LPP: variants seen among roughly 807,000 people sequenced by gnomAD.
The protein encoded by LPP is lipoma-preferred partner.
In LPP, 38 loss-of-function variants were observed where a neutral mutation model predicts 60.4. That is an observed-to-expected ratio of 0.63 (90% CI 0.49 to 0.83). The LOEUF is 0.83. LPP is among the 40% of genes least tolerant of loss of function. The probability of loss-of-function intolerance (pLI) is 0.00; values close to 1 mark genes in which losing one functional copy is unlikely to be tolerated. For missense variants in LPP, 902 were observed against 783.6 expected (o/e 1.15, Z -1.80); for synonymous variants, 328 against 290.8 (o/e 1.13, Z -1.30).
chr3:188,848,977 A>C (rs1454564912), intron 9 of LPP, among the ~76,000 whole-genome samples: 1 of 152,022 alleles, frequency 6.6e-6, no homozygotes, highest in Non-Finnish European at 1.5e-5. Flanking sequence ...AAAAAAAAAA[A>C]AGAAAATAGG....
At chr3:188,598,751 A>G (rs1347524676) in intron 6 of LPP, among the ~76,000 whole-genome samples, 1 of 152,144 alleles carries the variant, frequency 6.6e-6, no homozygotes, top group Non-Finnish European at 1.5e-5. Flanking sequence ...TTCCTTTAAT[A>G]TAAACAAGTA....
intron 7 of LPP, among the ~76,000 whole-genome samples, chr3:188,700,335 C>T (rs1260252487): frequency 1.3e-5 from 2 of 152,124 alleles, no homozygotes; most frequent in African/African-American, 2.4e-5. Flanking sequence ...AAAATGATCA[C>T]GCCAAGGTCA....
At chr3:188,366,902 T>G (rs1392968721) in intron 3 of LPP, among the ~76,000 whole-genome samples, 1 of 148,628 alleles carries the variant, frequency 6.7e-6, no homozygotes, top group East Asian at 2.0e-4. Flanking sequence ...AAGAATTGAT[T>G]TTTTTTTTTT....
At chr3:188,708,635 T>C (rs996677563) in intron 8 of LPP, 7 of 566,808 alleles carry the variant, frequency 1.2e-5, no homozygotes, top group Non-Finnish European at 1.9e-5. Context: ...TAGATACAAA[T>C]TTTATTGTTG....
intron 2 of LPP, among the ~76,000 whole-genome samples, chr3:188,243,117 C>CA (rs1004772230): frequency 9.2e-5 from 14 of 151,624 alleles, no homozygotes; most frequent in South Asian, 2.1e-4. Context: ...ATTAATATAA[C>CA]AAAAAAAAGA....
In LPP at chr3:188,885,919, T is replaced by C. The variant is rs1484232225; in HGVS notation, c.*11440T>C. On this transcript the variant is annotated 3_prime_UTR_variant, in exon 12 of 12. Coordinates refer to ENST00000617246, the MANE Select transcript of LPP (RefSeq NM_001375462.1). ...GGTGAGCATTTTTTCATGTGTTTCT[T>C]GGCTGCATAAATGTCTTCTTTTGAG... The C allele has an allele frequency of 2.0e-5, 3 of 152,236 alleles. No individual in the cohort carries two copies. Among genetic ancestry groups the C allele is most frequent in the African/African-American group, 7.2e-5 (3 of 41,460 alleles). 9.4% of individuals were successfully genotyped at this position (152,236 alleles called of 1,614,324 possible).
Position 188,760,207 on chromosome 3 carries a change from C to T in LPP, c.1335C>T (p.Ile445=), listed in dbSNP as rs2150478163. 2 of 1,614,106 alleles carry T rather than the reference C, an allele frequency of 1.2e-6. No homozygotes were observed. The change falls in exon 9 of 12, where the codon ATC becomes ATT. Residue 445 remains isoleucine, a synonymous_variant. Transcript: ENST00000617246. ...TCCACGTGGATTGTTTTACCTGCATCATCTGCAACAACAAGCTCCGAGGGC... is the reference window on the plus strand; with the variant it reads ...TCCACGTGGATTGTTTTACCTGCATTATCTGCAACAACAAGCTCCGAGGGC... ...QVFHVDCFTC[I]ICNNKLRGQP...
intron 5 of LPP, among the ~76,000 whole-genome samples, chr3:188,489,081 A>G (rs1403109901): frequency 2.0e-5 from 3 of 152,200 alleles, no homozygotes; most frequent in African/African-American, 7.2e-5. Flanking sequence ...CTTGCAAGAG[A>G]ATTAGAGTTA....
chr3:188,185,883 T>A (rs1726453952), intron 1 of LPP, among the ~76,000 whole-genome samples: 1 of 152,244 alleles, frequency 6.6e-6, no homozygotes, highest in African/African-American at 2.4e-5. Context: ...GCACTCAGCA[T>A]GAAGCCTGGC....
At chr3:188,614,563 C>G (rs1376840431) in intron 7 of LPP, among the ~76,000 whole-genome samples, 2 of 152,126 alleles carry the variant, frequency 1.3e-5, no homozygotes, top group Non-Finnish European at 1.5e-5. Context: ...GATCATTAAG[C>G]CCAAGTAGAG....
At chr3:188,697,470 G>C (rs1008570802) in intron 7 of LPP, among the ~76,000 whole-genome samples, 4 of 152,188 alleles carry the variant, frequency 2.6e-5, no homozygotes, top group African/African-American at 9.7e-5. Context: ...CCACTAGACA[G>C]AAACAGCTTG....
rs539665491 is a variant in LPP, at chr3:188,253,147, A to G, written c.-67+27620A>G. Among the ~76,000 whole-genome samples the G allele has an allele frequency of 7.2e-4, 106 of 147,702 alleles. 1 individual carries two copies. The highest frequency in any genetic ancestry group is 2.6e-3 in the African/African-American group (103 of 39,842). On this transcript the variant is annotated intron_variant, in intron 2 of 11. Transcript: ENST00000617246. ...AGAAAGGTCTTCGGAAATTAGATAT[A>G]TTGGCCTTTCATCTATGAAGTATAT... is the stretch of plus-strand genomic sequence containing the variant.
At chr3:188,487,361 T>C (rs1806856250) in intron 5 of LPP, among the ~76,000 whole-genome samples, 1 of 152,138 alleles carries the variant, frequency 6.6e-6, no homozygotes, top group African/African-American at 2.4e-5. Flanking sequence ...AATTCAACCA[T>C]GGGGCTTTCA....
chr3:188,773,248 C>T (rs1023733782), intron 9 of LPP, among the ~76,000 whole-genome samples: 2 of 151,678 alleles, frequency 1.3e-5, no homozygotes, highest in African/African-American at 2.4e-5. Flanking sequence ...TGCTCTTGTC[C>T]CTGCAGAGTA....
chr3:188,524,420 C>T (rs140427452), intron 5 of LPP, among the ~76,000 whole-genome samples: 2,094 of 152,174 alleles, frequency 0.014, 25 homozygotes, highest in South Asian at 0.047. Context: ...ACAACAACAA[C>T]GACAAAACTG....
rs551119922 is a variant in LPP, at chr3:188,359,304, G to A, written c.-10+17585G>A. Among the ~76,000 whole-genome samples, 5 of 152,302 alleles carry A rather than the reference G, an allele frequency of 3.3e-5. No individual in the cohort carries two copies. The South Asian group carries it at 1.0e-3, about 32-fold the overall frequency. ...TCCGAGGTAACAAACTTGAGGAGCT[G>A]CAGCCCCTCTGACGAAGTAAAAGTG... On this transcript the variant is annotated intron_variant, in intron 3 of 11. Transcript: ENST00000617246.
At chr3:188,315,437 T>C (rs1171590548) in intron 2 of LPP, among the ~76,000 whole-genome samples, 1 of 152,148 alleles carries the variant, frequency 6.6e-6, no homozygotes, top group Non-Finnish European at 1.5e-5. Flanking sequence ...GTTTATTTTG[T>C]TGTTTTTCTC....
intron 7 of LPP, among the ~76,000 whole-genome samples, chr3:188,696,918 T>G (rs750587614): frequency 6.6e-6 from 1 of 152,218 alleles, no homozygotes; most frequent in African/African-American, 2.4e-5. Flanking sequence ...GATAATTTAA[T>G]ATAGATTTCA....
At chr3:188,214,925 T>C (rs773120812) in intron 1 of LPP, among the ~76,000 whole-genome samples, 2 of 152,198 alleles carry the variant, frequency 1.3e-5, no homozygotes, top group Non-Finnish European at 2.9e-5. Flanking sequence ...GCACTATAGC[T>C]GCCTTTGAGT....
Sources: gnomAD v4.1 joint callset for allele counts (sites outside exome capture counted in the v4.1 genomes callset) on GRCh38, gnomAD v4.1.1 for gene constraint, MANE v1.5 for transcripts, NCBI Gene and HGNC (gene_info 2026-07-23, HGNC 2026-07-21) for gene names.